Variants in TMTC1 observed in about 807,000 individuals in gnomAD.
TMTC1 encodes the protein protein O-mannosyl-transferase TMTC1.
Under a neutral mutation model 104.8 loss-of-function variants are expected in TMTC1, and 73 were observed. The ratio of observed to expected loss-of-function variants is 0.70; its 90% CI spans 0.58 to 0.85. TMTC1 has a LOEUF of 0.85. Among genes scored for constraint, TMTC1 ranks in the 40% least tolerant of loss-of-function variants. The pLI, the probability that TMTC1 is intolerant of heterozygous loss-of-function variation, is 0.00. For missense variants in TMTC1, 1,035 were observed against 1,096.1 expected, an observed-to-expected ratio of 0.94 and a Z score of 0.79; for synonymous variants, 434 against 428.7, an observed-to-expected ratio of 1.01 and a Z score of -0.15.
At chr12:29,698,596 A>G (rs12311570) in intron 5 of TMTC1, among the ~76,000 whole-genome samples, 8,552 of 152,236 alleles carry the variant, frequency 0.056, 335 homozygotes, top group African/African-American at 0.11. Context: ...GGAACACTAA[A>G]AAGGGATCTT....
chr12:29,625,497 C>T (rs143459832), intron 6 of TMTC1, among the ~76,000 whole-genome samples: 22 of 152,304 alleles, frequency 1.4e-4, no homozygotes, highest in African/African-American at 5.1e-4. Flanking sequence ...CCAAGAATTG[C>T]CAGAGGCTCT....
At chr12:29,715,994 T>TATTATCATTATC (rs201626485) in intron 5 of TMTC1, among the ~76,000 whole-genome samples, 2 of 102,612 alleles carry the variant, frequency 1.9e-5, no homozygotes, top group Non-Finnish European at 3.9e-5. Flanking sequence ...TCAGTATTAT[T>TATTATCATTATC]ATTATTATTA....
intron 5 of TMTC1, chr12:29,666,392 T>TTG (rs1555184501): frequency 6.9e-5 from 23 of 333,892 alleles, no homozygotes; most frequent in East Asian, 4.7e-4. Context: ...TAATTTTTTT[T>TTG]TTGTTGTTGT....
At chr12:29,621,441 A>T (rs1391125770) in intron 6 of TMTC1, among the ~76,000 whole-genome samples, 1 of 152,254 alleles carries the variant, frequency 6.6e-6, no homozygotes, top group Admixed American at 6.5e-5. Flanking sequence ...GACAATGATG[A>T]AACTGAATAG....
intron 5 of TMTC1, among the ~76,000 whole-genome samples, chr12:29,683,625 G>T (rs557504111): frequency 1.3e-5 from 2 of 152,100 alleles, no homozygotes; most frequent in East Asian, 3.9e-4. Context: ...TCTGAAAAGC[G>T]CTGCTAAATG....
At chr12:29,743,148 C>T (rs566468317) in intron 5 of TMTC1, among the ~76,000 whole-genome samples, 18 of 152,036 alleles carry the variant, frequency 1.2e-4, no homozygotes, top group African/African-American at 1.5e-4. Flanking sequence ...TTACTTCTGC[C>T]GTGGTACACA....
intron 5 of TMTC1, among the ~76,000 whole-genome samples, chr12:29,639,972 C>T (rs1938754246): frequency 2.0e-5 from 3 of 152,230 alleles, no homozygotes; most frequent in Non-Finnish European, 4.4e-5. Flanking sequence ...AGGCAATCCC[C>T]CAGTGGAATG....
At chr12:29,657,015 G>C (rs558921812) in intron 5 of TMTC1, among the ~76,000 whole-genome samples, 1 of 152,282 alleles carries the variant, frequency 6.6e-6, no homozygotes, top group Non-Finnish European at 1.5e-5. Context: ...CATGAGATAG[G>C]AATAAAATAA....
chr12:29,541,626 T>C (rs1944798590), intron 10 of TMTC1, among the ~76,000 whole-genome samples: 1 of 151,986 alleles, frequency 6.6e-6, no homozygotes, highest in Admixed American at 6.5e-5. Flanking sequence ...TTTTCTTTGT[T>C]TCTGATACCA....
intron 5 of TMTC1, among the ~76,000 whole-genome samples, chr12:29,685,653 G>C (rs761233428): frequency 6.6e-6 from 1 of 151,950 alleles, no homozygotes; most frequent in Non-Finnish European, 1.5e-5. Flanking sequence ...AAAAAAAAGA[G>C]GCCTGGTTTG....
chr12:29,687,320 G>A, intron 5 of TMTC1, among the ~76,000 whole-genome samples: 1 of 151,912 alleles, frequency 6.6e-6, no homozygotes, highest in East Asian at 1.9e-4. Flanking sequence ...CAGTATTCTT[G>A]CCCAAAATGC....
intron 10 of TMTC1, among the ~76,000 whole-genome samples, chr12:29,550,091 T>C (rs971116391): frequency 6.6e-5 from 10 of 152,012 alleles, no homozygotes; most frequent in Admixed American, 2.0e-4. Context: ...GAGTGTTTAA[T>C]TGGGGAGAAA....
intron 1 of TMTC1, among the ~76,000 whole-genome samples, chr12:29,776,116 AC>A (rs1221748596): frequency 6.6e-6 from 1 of 152,184 alleles, no homozygotes; most frequent in African/African-American, 2.4e-5. Flanking sequence ...AATCTTAGGA[AC>A]CTGAGATTGG....
intron 5 of TMTC1, among the ~76,000 whole-genome samples, chr12:29,687,364 A>C (rs1462516432): frequency 6.6e-6 from 1 of 152,176 alleles, no homozygotes; most frequent in Non-Finnish European, 1.5e-5. Context: ...AAATAACCAG[A>C]CAGCCACAAA....
At chr12:29,769,384 G>A (rs1330599198) in intron 1 of TMTC1, among the ~76,000 whole-genome samples, 1 of 152,164 alleles carries the variant, frequency 6.6e-6, no homozygotes, top group Admixed American at 6.5e-5. Context: ...AGACTCATGA[G>A]TCTGCACACA....
chr12:29,748,525 T>C (rs12809768), intron 5 of TMTC1, among the ~76,000 whole-genome samples: 2,630 of 152,334 alleles, frequency 0.017, 38 homozygotes, highest in Non-Finnish European at 0.027. Context: ...CAGTCTGGGT[T>C]CCAATCCTGA....
intron 5 of TMTC1, among the ~76,000 whole-genome samples, chr12:29,713,341 AGG>A (rs1237818451): frequency 4.1e-5 from 5 of 122,712 alleles, no homozygotes; most frequent in African/African-American, 1.3e-4. Context: ...ACACACACAC[AGG>A]GAGAGAGAGA....
chr12:29,667,880 A>G (rs1940344712), intron 5 of TMTC1, among the ~76,000 whole-genome samples: 1 of 152,166 alleles, frequency 6.6e-6, no homozygotes, highest in Admixed American at 6.5e-5. Context: ...GCACCTTACC[A>G]TTTTTATTTC....
chr12:29,734,790 G>A (rs990942548), intron 5 of TMTC1, among the ~76,000 whole-genome samples: 7 of 151,944 alleles, frequency 4.6e-5, no homozygotes, highest in Admixed American at 2.6e-4. Context: ...AAGCTGTTAC[G>A]GTAAATATTT....
Sources: gnomAD v4.1 joint callset for allele counts (sites outside exome capture counted in the v4.1 genomes callset) on GRCh38, gnomAD v4.1.1 for gene constraint, MANE v1.5 for transcripts, NCBI Gene and HGNC (gene_info 2026-07-23, HGNC 2026-07-21) for gene names.